PHLDB1: variants seen among roughly 807,000 people sequenced by gnomAD.
PHLDB1 encodes pleckstrin homology like domain family B member 1, also known as pleckstrin homology-like domain family B member 1.
A neutral mutation model predicts 139.3 loss-of-function variants in PHLDB1; 65 were observed. That is an observed-to-expected ratio of 0.47 (90% CI 0.38 to 0.57). The LOEUF is 0.57. Ranked by LOEUF, PHLDB1 falls within the 20% of genes least tolerant of loss-of-function variation. The pLI is 0.00. For synonymous variants in PHLDB1, 679 were observed against 734.5 expected (o/e 0.92, Z 1.22); for missense variants, 1,624 against 1,839.7 (o/e 0.88, Z 2.14).
intron 22 of PHLDB1, among the ~76,000 whole-genome samples, chr11:118,656,236 C>T (rs1273290322): frequency 6.6e-6 from 1 of 152,176 alleles, no homozygotes; most frequent in Non-Finnish European, 1.5e-5. Context: ...AGTCAGCCTT[C>T]CTGCCCCCAG....
chr11:118,628,279 G>A lies in PHLDB1; in HGVS notation c.1456G>A (p.Val486Met). Reference protein sequence around the residue: ...TTPDPKLNREVAESPRPRRWA... With the variant: ...TTPDPKLNREMAESPRPRRWA... ...CCCAGATCCCAAGCTAAACAGGGAA[G>A]TGGCAGAGAGTCCTCGGCCCCGGCG... Residue 486 changes from valine to methionine, a missense_variant, in exon 6 of 23, where the codon GTG becomes ATG. Coordinates refer to ENST00000600882, the MANE Select transcript of PHLDB1 (RefSeq NM_001144758.3). The A allele has an allele frequency of 6.2e-7, 1 of 1,614,082 alleles. No homozygotes were observed. The highest frequency in any genetic ancestry group is 8.5e-7 in the Non-Finnish European group (1 of 1,180,024).
At position 118,648,015 on chromosome 11, in the gene PHLDB1, G is replaced by A; in HGVS notation, c.3593G>A (p.Ser1198Asn). 1.9e-6 allele frequency: 3 copies of A among 1,612,578 alleles called. No individual in the cohort carries two copies. The highest frequency in any genetic ancestry group is 2.5e-6 in the Non-Finnish European group (3 of 1,179,242). ...GTAGAACGGAGGCTGCAGAGTGAGA[G>A]TGCCCGGAGGCAGCAGCTGGTCGAG... ...EQVERRLQSE[S>N]ARRQQLVEKE... Residue 1198 changes from serine to asparagine, a missense_variant, in exon 18 of 23, where the codon AGT becomes AAT. Coordinates refer to ENST00000600882, the MANE Select transcript of PHLDB1 (RefSeq NM_001144758.3).
chr11:118,632,846 A>G lies in PHLDB1; in HGVS notation c.2379+550A>G, dbSNP rs1207885563. ...TGCAGGGGCCACTCCCAGATGCCCA[A>G]CACCGTGCCAAAAGCTCTGAAGTGG... On this transcript the variant is annotated intron_variant, in intron 9 of 22. Transcript: ENST00000600882. The surrounding 1 kb of genome is among the most constrained non-coding windows in gnomAD (Gnocchi z 5.9). 6 of 985,568 alleles carry G rather than the reference A, an allele frequency of 6.1e-6. No homozygotes were observed. The highest frequency in any genetic ancestry group is 6.0e-6 in the Non-Finnish European group (5 of 829,948). 61.1% of individuals were successfully genotyped at this position (985,568 alleles called of 1,614,324 possible).
Position 118,632,870 on chromosome 11 carries a change from G to A in PHLDB1, c.2379+574G>A. ...AACACCGTGCCAAAAGCTCTGAAGTGGAGAGGGGTCATCTATTTCTGGATC... is the reference window on the plus strand; with the variant it reads ...AACACCGTGCCAAAAGCTCTGAAGTAGAGAGGGGTCATCTATTTCTGGATC... On this transcript the variant is annotated intron_variant, in intron 9 of 22. Coordinates refer to ENST00000600882, the MANE Select transcript of PHLDB1 (RefSeq NM_001144758.3). The surrounding 1 kb of genome is among the most constrained non-coding windows in gnomAD (Gnocchi z 5.9). 5.1e-6 allele frequency: 5 copies of A among 981,986 alleles called. No homozygotes were observed. The highest frequency in any genetic ancestry group is 6.0e-6 in the Non-Finnish European group (5 of 826,768). The allele number at this position is 981,986 out of a possible 1,614,324, so 60.8% of individuals were successfully genotyped here.
At position 118,645,919 on chromosome 11, in the gene PHLDB1, A is replaced by C; in HGVS notation, c.3507+94A>C. 1.2e-6 allele frequency: 1 copy of C among 829,150 alleles called. No individual in the cohort carries two copies. The highest frequency in any genetic ancestry group is 2.1e-6 in the Non-Finnish European group (1 of 472,386). The allele number at this position is 829,150 out of a possible 1,614,324, so 51.4% of individuals were successfully genotyped here. Reference sequence around the variant, plus strand: ...CCTGTGCTCCACCCCAAGCCCTTCCACCCACATTAGCCTTGCCACATTCCC... The same window carrying C: ...CCTGTGCTCCACCCCAAGCCCTTCCCCCCACATTAGCCTTGCCACATTCCC... On this transcript the variant is annotated intron_variant, in intron 17 of 22. Coordinates refer to ENST00000600882, the MANE Select transcript of PHLDB1 (RefSeq NM_001144758.3). This position sits in a 1 kb window ranked among gnomAD's most constrained non-coding sequence, Gnocchi z 5.1.
Position 118,645,255 on chromosome 11 carries a change from C to G in PHLDB1, c.3122-101C>G, listed in dbSNP as rs935977712. 1.1e-6 allele frequency: 1 copy of G among 882,146 alleles called. No homozygotes were observed. Among genetic ancestry groups the G allele is most frequent in the Non-Finnish European group, 1.7e-6 (1 of 591,772 alleles). 54.6% of individuals were successfully genotyped at this position (882,146 alleles called of 1,614,324 possible). The stretch of plus-strand genomic sequence containing the variant: ...GGGAGAGGGGGCTGCTCTGTGTTAA[C>G]CTCTCCCTGCTTGCCCCTCCCTCTG... On this transcript the variant is annotated intron_variant, in intron 15 of 22. Coordinates refer to ENST00000600882, the MANE Select transcript of PHLDB1 (RefSeq NM_001144758.3). This position sits in a 1 kb window ranked among gnomAD's most constrained non-coding sequence, Gnocchi z 5.1.
intron 20 of PHLDB1, chr11:118,652,325 T>G (rs1301039956): frequency 3.3e-5 from 5 of 152,124 alleles, no homozygotes; most frequent in Non-Finnish European, 7.4e-5. Flanking sequence ...CTAGGGACTT[T>G]GGAGAGGAAG....
intron 12 of PHLDB1, chr11:118,641,616 C>T (rs190828869): frequency 3.5e-5 from 45 of 1,279,546 alleles, no homozygotes; most frequent in East Asian, 5.6e-5. Flanking sequence ...GCTCCAAGTA[C>T]GTGATGCTTG....
intron 20 of PHLDB1, chr11:118,654,182 A>G (rs1333120889): frequency 6.6e-6 from 1 of 152,266 alleles, no homozygotes; most frequent in Non-Finnish European, 1.5e-5. Flanking sequence ...ACTGTTAAGG[A>G]TGTCAGCTGT....
chr11:118,646,748 C>T (rs1467936750), intron 17 of PHLDB1: 1 of 152,142 alleles, frequency 6.6e-6, no homozygotes, highest in African/African-American at 2.4e-5. Flanking sequence ...CTGTGTCCAC[C>T]ATTGGAGGCA....
chr11:118,639,515 G>A (rs2136483650), intron 12 of PHLDB1: 1 of 512,206 alleles, frequency 2.0e-6, no homozygotes, highest in Non-Finnish European at 3.5e-6. Flanking sequence ...GGGACTCAGG[G>A]GCCTGGGTTG....
rs1565518184 is a variant in PHLDB1 at position 118,657,385 on chromosome 11, C to T, written c.*562C>T. On this transcript the variant is annotated 3_prime_UTR_variant, in exon 23 of 23. Transcript: ENST00000600882. ...ACCATGGTTACCATAGTGACTGCTT[C>T]ATTGCCATGGTTACATACTAATTGC... The T allele has an allele frequency of 6.5e-6, 1 of 153,694 alleles. No homozygotes were observed. The highest frequency in any genetic ancestry group is 1.5e-5 in the Non-Finnish European group (1 of 68,808). The allele number at this position is 153,694 out of a possible 1,614,324, so 9.5% of individuals were successfully genotyped here.
chr11:118,636,530 C>G (rs1425172130), intron 10 of PHLDB1: 1 of 150,962 alleles, frequency 6.6e-6, no homozygotes, highest in African/African-American at 2.4e-5. Context: ...GGGTGTGTGT[C>G]AGGCACCTTG....
chr11:118,638,894 C>T lies in PHLDB1; in HGVS notation c.2539C>T (p.Arg847Cys), dbSNP rs782396209. The change falls in exon 11 of 23, where the codon CGC becomes TGC. Residue 847 changes from arginine (R) to cysteine (C), a missense_variant. Physicochemically the swap from Arg to Cys is radical, Grantham distance 180. Coordinates refer to ENST00000600882, the MANE Select transcript of PHLDB1 (RefSeq NM_001144758.3). ...LLRSIAKRKE[R>C]LAILDSQAGQ... The stretch of plus-strand genomic sequence containing the variant: ...TCAACCACCCCATCTCCTTTAGGAG[C>T]GCCTGGCCATCCTGGACAGTCAGGC... 22 of 1,608,384 alleles carry T rather than the reference C, an allele frequency of 1.4e-5. No individual in the cohort carries two copies. Among genetic ancestry groups the T allele is most frequent in the South Asian group, 3.3e-5 (3 of 90,156 alleles).
Position 118,627,454 on chromosome 11 carries a change from G to C in PHLDB1, c.631G>C (p.Ala211Pro), listed in dbSNP as rs1555102975. ...MDSLVLEEPG[A>P]AGKKPAATSP... ...CTCACTGGTGCTAGAGGAGCCTGGAGCTGCTGGCAAGAAGCCTGCCGCAAC... is the reference window on the plus strand; with the variant it reads ...CTCACTGGTGCTAGAGGAGCCTGGACCTGCTGGCAAGAAGCCTGCCGCAAC... The change falls in exon 6 of 23, where the codon GCT (alanine) becomes CCT (proline). Residue 211 changes from alanine to proline, a missense_variant. Physicochemically the swap from Ala to Pro is conservative, Grantham distance 27. Coordinates refer to ENST00000600882, the MANE Select transcript of PHLDB1 (RefSeq NM_001144758.3). 1 of 1,614,228 alleles carries C rather than the reference G, an allele frequency of 6.2e-7. No homozygotes were observed. The highest frequency in any genetic ancestry group is 1.7e-5 in the Admixed American group (1 of 60,032).
In PHLDB1 at chr11:118,650,044, G is replaced by T; in HGVS notation, c.3655-33G>T. On this transcript the variant is annotated intron_variant, in intron 18 of 22. Coordinates refer to ENST00000600882, the MANE Select transcript of PHLDB1 (RefSeq NM_001144758.3). This position sits in a 1 kb window ranked among gnomAD's most constrained non-coding sequence, Gnocchi z 4.7. ...GACAGGGGAATAATGAGGGAAGAGA[G>T]GAGACTCTCCTGACCCTCCCTCTTG... 2 of 1,483,414 alleles carry T rather than the reference G, an allele frequency of 1.3e-6. No individual in the cohort carries two copies. Among genetic ancestry groups the T allele is most frequent in the Non-Finnish European group, 1.9e-6 (2 of 1,060,912 alleles). The allele number at this position is 1,483,414 out of a possible 1,614,324, so 91.9% of individuals were successfully genotyped here.
chr11:118,654,698 T>C (rs1045181623), intron 20 of PHLDB1: 5 of 146,660 alleles, frequency 3.4e-5, no homozygotes, highest in African/African-American at 1.3e-4. Flanking sequence ...CTGTATCAGA[T>C]ATTTCTTTCT....
In PHLDB1 at chr11:118,627,391, G is replaced by A; in HGVS notation, c.568G>A (p.Val190Met). 1 of 1,614,156 alleles carries A rather than the reference G, an allele frequency of 6.2e-7. No homozygotes were observed. Among genetic ancestry groups the A allele is most frequent in the Non-Finnish European group, 8.5e-7 (1 of 1,180,018 alleles). The change falls in exon 6 of 23, where the codon GTG (valine) becomes ATG (methionine). Residue 190 changes from valine (V) to methionine (M), a missense_variant. Transcript: ENST00000600882. ...PSACASHSSL[V>M]SSIEKDLQEI... Reference sequence around the variant, plus strand: ...TGCCTGTGCCAGCCACAGTTCCCTGGTGAGCTCTATTGAGAAGGACCTGCA... The same window carrying A: ...TGCCTGTGCCAGCCACAGTTCCCTGATGAGCTCTATTGAGAAGGACCTGCA...
At chr11:118,626,691 T>A (rs527749748) in intron 5 of PHLDB1, among the ~76,000 whole-genome samples, 2 of 149,768 alleles carry the variant, frequency 1.3e-5, no homozygotes, top group Admixed American at 1.3e-4. Context: ...CCTCTTTTTT[T>A]TTTGAGACAG....
Sources: gnomAD v4.1 joint callset for allele counts (sites outside exome capture counted in the v4.1 genomes callset) on GRCh38, gnomAD v4.1.1 for gene constraint, Gnocchi (gnomAD v3.1) non-coding constraint, MANE v1.5 for transcripts, NCBI Gene and HGNC (gene_info 2026-07-23, HGNC 2026-07-21) for gene names.